CYRIA: variants seen among roughly 807,000 people sequenced by gnomAD.
The protein encoded by CYRIA is CYFIP related Rac1 interactor A, also known as CYFIP-related Rac1 interactor A.
A neutral mutation model predicts 43.9 loss-of-function variants in CYRIA; 15 were observed. That is an observed-to-expected ratio of 0.34 (90% CI 0.23 to 0.53). The LOEUF is 0.53. Among genes scored for constraint, CYRIA ranks in the 20% least tolerant of loss-of-function variants. The probability of loss-of-function intolerance (pLI) is 0.94; values close to 1 mark genes in which losing one functional copy is unlikely to be tolerated. For missense variants in CYRIA, 236 were observed against 394.2 expected (o/e 0.60, Z 3.40); for synonymous variants, 117 against 136.0 (o/e 0.86, Z 0.97).
At chr2:16,553,246 C>T (rs1198938625) in intron 11 of CYRIA, among the ~76,000 whole-genome samples, 2 of 152,038 alleles carry the variant, frequency 1.3e-5, no homozygotes, top group Admixed American at 6.6e-5. Flanking sequence ...GAGATATGAG[C>T]GGTCTCATTT....
In CYRIA at chr2:16,565,639, G is replaced by A; in HGVS notation, c.192+7C>T. ...GTGTTGTCAGTTCAGCGTGATCATT[G>A]ACATACATCTCGGATCTCTGGGCCT... On this transcript the variant is annotated splice_region_variant and intron_variant, in intron 4 of 11. Coordinates refer to ENST00000381323, the MANE Select transcript of CYRIA (RefSeq NM_030797.4). The A allele has an allele frequency of 6.4e-7, 1 of 1,554,300 alleles. No individual in the cohort carries two copies. Among genetic ancestry groups the A allele is most frequent in the Non-Finnish European group, 8.8e-7 (1 of 1,137,704 alleles).
At chr2:16,561,679 A>T in intron 6 of CYRIA, 146 bp from the exon 7 acceptor site, 1 of 666,956 alleles carries the variant, frequency 1.5e-6, no homozygotes, top group Non-Finnish European at 2.5e-6. Context: ...GGTTAGAAAT[A>T]AGGACCCACA....
chr2:16,557,393 A>G (rs1267273205), intron 10 of CYRIA, among the ~76,000 whole-genome samples: 5 of 151,350 alleles, frequency 3.3e-5, no homozygotes. Context: ...CTTTGTAAGT[A>G]CACACACAGT....
chr2:16,639,557 G>A (rs181572984), intron 1 of CYRIA, among the ~76,000 whole-genome samples: 1 of 152,222 alleles, frequency 6.6e-6, no homozygotes, highest in African/African-American at 2.4e-5. Context: ...AGTCTGTGGA[G>A]GATAAAAGCC....
intron 1 of CYRIA, among the ~76,000 whole-genome samples, chr2:16,639,892 G>A (rs1472772945): frequency 6.6e-6 from 1 of 152,198 alleles, no homozygotes; most frequent in African/African-American, 2.4e-5. Flanking sequence ...GCTGTTCTTT[G>A]CCTTTTGAGT....
intron 1 of CYRIA, among the ~76,000 whole-genome samples, chr2:16,644,412 A>G (rs1410792377): frequency 6.6e-6 from 1 of 152,116 alleles, no homozygotes; most frequent in Non-Finnish European, 1.5e-5. Flanking sequence ...GCCTAGTCAT[A>G]CTGGAAGACT....
intron 2 of CYRIA, among the ~76,000 whole-genome samples, chr2:16,604,667 G>GC (rs764225214): frequency 2.8e-4 from 43 of 152,354 alleles, no homozygotes; most frequent in South Asian, 1.2e-3. Context: ...ATAAGCAGCT[G>GC]TTTTTCTGGG....
intron 1 of CYRIA, 45 bp from the exon 2 acceptor site, chr2:16,624,064 T>C (rs1181287918): frequency 1.3e-5 from 2 of 152,268 alleles, no homozygotes. Context: ...AGCAATTTCC[T>C]ATTCTCCACT....
Position 16,559,153 on chromosome 2 carries a change from T to C in CYRIA, c.837+307A>G, listed in dbSNP as rs114259076. Among the ~76,000 whole-genome samples the C allele has an allele frequency of 9.6e-3, 1,459 of 152,254 alleles. 17 individuals are homozygous for C. Among genetic ancestry groups the C allele is most frequent in the African/African-American group, 0.031 (1,301 of 41,552 alleles). ...ACACATAGAATAGAAACCATCTATT[T>C]GTACAGCACACTGGGTAAATGAAGG... On this transcript the variant is annotated intron_variant, in intron 10 of 11. Coordinates refer to ENST00000381323, the MANE Select transcript of CYRIA (RefSeq NM_030797.4).
At chr2:16,646,083 G>A (rs1249867240) in intron 1 of CYRIA, among the ~76,000 whole-genome samples, 1 of 152,220 alleles carries the variant, frequency 6.6e-6, no homozygotes, top group Non-Finnish European at 1.5e-5. Flanking sequence ...AGGAGAAAAG[G>A]AGGTGGCTCT....
At chr2:16,580,013 T>G (rs62122724) in intron 3 of CYRIA, among the ~76,000 whole-genome samples, 9,158 of 152,094 alleles carry the variant, frequency 0.06, 341 homozygotes, top group Middle Eastern at 0.13. Flanking sequence ...AGTGGTGTGA[T>G]CTCAGATCAC....
chr2:16,559,119 C>T (rs903843101), intron 10 of CYRIA, among the ~76,000 whole-genome samples: 9 of 152,102 alleles, frequency 5.9e-5, no homozygotes, highest in African/African-American at 2.2e-4. Context: ...CAACTCTTCA[C>T]AATAGGACAC....
At chr2:16,646,493 C>T (rs2103542002) in intron 1 of CYRIA, among the ~76,000 whole-genome samples, 1 of 152,316 alleles carries the variant, frequency 6.6e-6, no homozygotes, top group South Asian at 2.1e-4. Flanking sequence ...AAAAATGGGG[C>T]TCTGGGGCAG....
In CYRIA at chr2:16,550,893, C is replaced by T. The variant is rs1294656369; in HGVS notation, c.*2043G>A. On this transcript the variant is annotated 3_prime_UTR_variant, in exon 12 of 12. Coordinates refer to ENST00000381323, the MANE Select transcript of CYRIA (RefSeq NM_030797.4). ...CTAGACAATTGTTGCTCAAGTGTAA[C>T]ATGTGACTGCCAAATAGGATATCTC... 6.6e-6 allele frequency: 1 copy of T among 152,148 alleles called. No homozygotes were observed. Among genetic ancestry groups the T allele is most frequent in the African/African-American group, 2.4e-5 (1 of 41,442 alleles). The allele number at this position is 152,148 out of a possible 1,614,324, so 9.4% of individuals were successfully genotyped here.
Position 16,609,347 on chromosome 2 carries a change from T to C in CYRIA, c.-11+14517A>G, listed in dbSNP as rs114583463. ...AGAGTACAGTACAATAGGCATGAGC[T>C]TTTTTGTCTGAAAAGTCTGACATTA... On this transcript the variant is annotated intron_variant, in intron 2 of 11. Transcript: ENST00000381323. Among the ~76,000 whole-genome samples, 252 of 152,288 alleles carry C rather than the reference T, an allele frequency of 1.7e-3. 1 individual carries two copies. The highest frequency in any genetic ancestry group is 5.8e-3 in the African/African-American group (241 of 41,560).
intron 1 of CYRIA, among the ~76,000 whole-genome samples, chr2:16,662,148 G>A (rs1486244869): frequency 6.6e-6 from 1 of 152,142 alleles, no homozygotes; most frequent in Non-Finnish European, 1.5e-5. Context: ...GCAATAATTT[G>A]AAAATTAACC....
At chr2:16,576,404 T>A (rs1221092217) in intron 3 of CYRIA, among the ~76,000 whole-genome samples, 1 of 152,144 alleles carries the variant, frequency 6.6e-6, no homozygotes, top group African/African-American at 2.4e-5. Context: ...TATAGAGACT[T>A]TTTTCAGGAA....
At chr2:16,613,944 TTTGGCTTAGTAATTATCCTCTCCAG>T (rs1668692500) in intron 2 of CYRIA, among the ~76,000 whole-genome samples, 1 of 152,204 alleles carries the variant, frequency 6.6e-6, no homozygotes, top group Non-Finnish European at 1.5e-5. Context: ...GACTTAGCCA[TTTGGCTTAGTAATTATCCTCTCCAG>T]CCCCTTCAAC....
intron 1 of CYRIA, among the ~76,000 whole-genome samples, chr2:16,661,633 T>C (rs370604104): frequency 6.6e-6 from 1 of 152,220 alleles, no homozygotes; most frequent in Non-Finnish European, 1.5e-5. Context: ...ATAAACTCTC[T>C]AAATATTTAC....
Sources: gnomAD v4.1 joint callset for allele counts (sites outside exome capture counted in the v4.1 genomes callset) on GRCh38, gnomAD v4.1.1 for gene constraint, MANE v1.5 for transcripts, NCBI Gene and HGNC (gene_info 2026-07-23, HGNC 2026-07-21) for gene names.